The following TAS2R1 variants were observed in gnomAD, a reference collection of about 807,000 sequenced individuals.
The protein encoded by TAS2R1 is taste 2 receptor member 1, also known as taste receptor type 2 member 1.
For synonymous variants in TAS2R1, 141 were observed against 134.2 expected (o/e 1.05, Z -0.35); for missense variants, 370 against 353.4 (o/e 1.05, Z -0.38).
chr5:9,652,271 C>A (rs1740321711), intron 2 of TAS2R1, among the ~76,000 whole-genome samples: 1 of 152,198 alleles, frequency 6.6e-6, no homozygotes, highest in African/African-American at 2.4e-5. Context: ...TCGTCTGTGG[C>A]AGAGACCTAC....
Position 9,639,054 on chromosome 5 carries a change from G to A in TAS2R1, c.-80-9062C>T, listed in dbSNP as rs145367659. 1.9e-3 allele frequency among the ~76,000 whole-genome samples: 291 copies of A among 152,214 alleles called. 4 individuals carry two copies. The highest frequency in any genetic ancestry group is 6.3e-3 in the African/African-American group (262 of 41,542). On this transcript the variant is annotated intron_variant, in intron 2 of 2. Coordinates refer to the TAS2R1 transcript ENST00000506620. The stretch of plus-strand genomic sequence containing the variant: ...CAGACCTAGCCCCTCTCCACTGCCC[G>A]CTCCATTGGCAGCAGCTCCTGTGCT...
At chr5:9,781,920 C>T in the TAS2R1 span, among the ~76,000 whole-genome samples, 1 of 152,196 alleles carries the variant, frequency 6.6e-6, no homozygotes, top group Non-Finnish European at 1.5e-5. Flanking sequence ...ATTCCATTGA[C>T]TCATTACATT....
At chr5:9,693,597 T>C (rs1342895890) in intron 1 of TAS2R1, among the ~76,000 whole-genome samples, 1 of 148,974 alleles carries the variant, frequency 6.7e-6, no homozygotes, top group East Asian at 1.9e-4. Context: ...CTTGCAGACA[T>C]TTGCAAAAGC....
intron 1 of TAS2R1, among the ~76,000 whole-genome samples, chr5:9,689,190 C>T (rs1431377767): frequency 6.6e-6 from 1 of 152,156 alleles, no homozygotes; most frequent in East Asian, 1.9e-4. Context: ...TCCTAGCTAC[C>T]TACCTATCAT....
the TAS2R1 span, among the ~76,000 whole-genome samples, chr5:9,817,539 T>A: frequency 6.6e-6 from 1 of 152,188 alleles, no homozygotes; most frequent in Non-Finnish European, 1.5e-5. Context: ...ATGTTCTAGT[T>A]AGATAGTGGT....
rs140784051 is a variant in TAS2R1, at chr5:9,650,557, C to A, written c.-81+8864G>T. Among the ~76,000 whole-genome samples, 1,353 of 152,206 alleles carry A rather than the reference C, an allele frequency of 8.9e-3. 28 individuals carry two copies. The highest frequency in any genetic ancestry group is 0.031 in the African/African-American group (1,288 of 41,552). On this transcript the variant is annotated intron_variant, in intron 2 of 2. Coordinates refer to the TAS2R1 transcript ENST00000506620. ...CACAGCACACCAAGGCCAGGGTGGA[C>A]CTGGTGGTGTGCACATATGCTGTCC...
the TAS2R1 span, among the ~76,000 whole-genome samples, chr5:9,839,114 C>T: frequency 2.6e-5 from 4 of 152,130 alleles, no homozygotes; most frequent in African/African-American, 9.7e-5. Context: ...GCTGCGCAGC[C>T]GCTAGGGTAA....
the TAS2R1 span, among the ~76,000 whole-genome samples, chr5:9,876,006 T>C: frequency 2.0e-5 from 3 of 152,134 alleles, no homozygotes; most frequent in Admixed American, 1.3e-4. Context: ...AGAAGACATC[T>C]ACATACCCAA....
At chr5:9,711,016 G>T (rs1195668387) in intron 1 of TAS2R1, among the ~76,000 whole-genome samples, 1 of 149,114 alleles carries the variant, frequency 6.7e-6, no homozygotes, top group African/African-American at 2.5e-5. Context: ...GAAAATAAGT[G>T]TCAGAATGCG....
the TAS2R1 span, among the ~76,000 whole-genome samples, chr5:9,837,170 G>C: frequency 6.6e-6 from 1 of 152,104 alleles, no homozygotes; most frequent in Admixed American, 6.6e-5. Flanking sequence ...ATGCACATAT[G>C]CACACATACA....
the TAS2R1 span, among the ~76,000 whole-genome samples, chr5:9,736,994 A>G: frequency 1.3e-5 from 2 of 152,274 alleles, no homozygotes; most frequent in East Asian, 1.9e-4. Flanking sequence ...TCCCATTCAT[A>G]TATTTTGAGA....
chr5:9,705,635 GAAC>G (rs1256032961), intron 1 of TAS2R1, among the ~76,000 whole-genome samples: 1 of 152,132 alleles, frequency 6.6e-6, no homozygotes, highest in Non-Finnish European at 1.5e-5. Flanking sequence ...GAGGTGGGCA[GAAC>G]AACTGAGATC....
At chr5:9,880,146 C>A in the TAS2R1 span, among the ~76,000 whole-genome samples, 1 of 152,084 alleles carries the variant, frequency 6.6e-6, no homozygotes, top group African/African-American at 2.4e-5. Context: ...CATACATAAA[C>A]TATACGTAAA....
Position 9,627,860 on chromosome 5 carries a change from G to A in TAS2R1, c.*1273C>T, listed in dbSNP as rs1441111921. Among the ~76,000 whole-genome samples, 2 of 152,164 alleles carry A rather than the reference G, an allele frequency of 1.3e-5. No homozygotes were observed. ...CTCAGAGCTTAGTTCCCATGCCCAA[G>A]AAGATAAGTACGTCCCTGAATCTCC... On this transcript the variant is annotated 3_prime_UTR_variant, in exon 1 of 1. Transcript: ENST00000382492.
At chr5:9,840,635 ACAGT>A in the TAS2R1 span, among the ~76,000 whole-genome samples, 5 of 151,900 alleles carry the variant, frequency 3.3e-5, no homozygotes, top group East Asian at 3.9e-4. Flanking sequence ...ATCATTTTGT[ACAGT>A]CAATGTTCAT....
the TAS2R1 span, among the ~76,000 whole-genome samples, chr5:9,786,618 A>G: frequency 6.6e-6 from 1 of 152,352 alleles, no homozygotes; most frequent in East Asian, 1.9e-4. Flanking sequence ...TAATTAGTAT[A>G]GGATGTAGCT....
At chr5:9,686,604 G>A (rs1273710940) in intron 1 of TAS2R1, among the ~76,000 whole-genome samples, 1 of 152,122 alleles carries the variant, frequency 6.6e-6, no homozygotes, top group Non-Finnish European at 1.5e-5. Flanking sequence ...AAAGATGGGG[G>A]GAAGGGAGGA....
chr5:9,785,601 T>C, the TAS2R1 span, among the ~76,000 whole-genome samples: 12 of 152,248 alleles, frequency 7.9e-5, no homozygotes, highest in African/African-American at 2.4e-4. Context: ...TCTGATAGCA[T>C]TGATGCCATT....
intron 2 of TAS2R1, among the ~76,000 whole-genome samples, chr5:9,639,958 GT>G (rs1260652948): frequency 6.6e-6 from 1 of 152,146 alleles, no homozygotes; most frequent in African/African-American, 2.4e-5. Flanking sequence ...ACACTTGAGT[GT>G]TCACTGGGGT....
Sources: gnomAD v4.1 joint callset for allele counts (sites outside exome capture counted in the v4.1 genomes callset) on GRCh38, gnomAD v4.1.1 for gene constraint, MANE v1.5 for transcripts, NCBI Gene and HGNC (gene_info 2026-07-23, HGNC 2026-07-21) for gene names.